RAD54L2: variants seen among roughly 807,000 people sequenced by gnomAD.
RAD54L2 encodes the protein RAD54 like 2.
Under a neutral mutation model 138.4 loss-of-function variants are expected in RAD54L2, and 27 were observed. That is an observed-to-expected ratio of 0.20 (90% CI 0.14 to 0.27). The LOEUF is 0.27. Among genes scored for constraint, RAD54L2 ranks in the 10% least tolerant of loss-of-function variants. The pLI is 1.00. For synonymous variants in RAD54L2, 644 were observed against 723.2 expected (o/e 0.89, Z 1.76); for missense variants, 1,396 against 1,890.2 (o/e 0.74, Z 4.85).
At position 51,662,489 on chromosome 3, in the gene RAD54L2, C is replaced by A; in HGVS notation, c.3473C>A (p.Ala1158Asp). The change falls in exon 23 of 23, where the codon GCC becomes GAC. Residue 1158 changes from alanine (A) to aspartate (D), a missense_variant. Ala to Asp is a moderately radical substitution (Grantham distance 126). Coordinates refer to ENST00000684192, the MANE Select transcript of RAD54L2 (RefSeq NM_015106.4). The surrounding 1 kb of genome is among the most constrained non-coding windows in gnomAD (Gnocchi z 4.6). ...NGRHSASSPKAPDPEGLARPV... is the reference protein window; with the variant it reads ...NGRHSASSPKDPDPEGLARPV... ...AGACACAGTGCCTCATCACCCAAAG[C>A]CCCCGACCCTGAGGGGCTGGCCAGG... 1 of 1,601,158 alleles carries A rather than the reference C, an allele frequency of 6.2e-7. No individual in the cohort carries two copies.
rs978791771 is a variant in RAD54L2, at chr3:51,635,644, C to T, written c.1194C>T (p.Gly398=). Residue 398 remains glycine, a synonymous_variant, in exon 10 of 23, where the codon GGC becomes GGT. Coordinates refer to ENST00000684192, the MANE Select transcript of RAD54L2 (RefSeq NM_015106.4). The part of the protein sequence containing the change: ...KVMADWVSEG[G]VLLMGYEMYR... ...TGGCTGATTGGGTGTCAGAGGGTGGCGTGCTGCTGATGGGGTACGAGATGT... is the reference window on the plus strand; with the variant it reads ...TGGCTGATTGGGTGTCAGAGGGTGGTGTGCTGCTGATGGGGTACGAGATGT... The T allele has an allele frequency of 1.4e-5, 22 of 1,613,160 alleles. No individual in the cohort carries two copies. Among genetic ancestry groups the T allele is most frequent in the Admixed American group, 8.3e-5 (5 of 59,888 alleles).
chr3:51,633,818 C>T, intron 8 of RAD54L2, 59 bp downstream of exon 8: 4 of 1,604,796 alleles, frequency 2.5e-6, no homozygotes, highest in Non-Finnish European at 3.4e-6. Flanking sequence ...GTGTTAATGC[C>T]TTTACTGGGC....
chr3:51,584,465 A>G (rs1699670947), intron 2 of RAD54L2, among the ~76,000 whole-genome samples: 1 of 152,098 alleles, frequency 6.6e-6, no homozygotes, highest in Non-Finnish European at 1.5e-5. Context: ...GCATTGGGCT[A>G]CATGGAGGTT....
intron 22 of RAD54L2, 89 bp downstream of exon 22, chr3:51,660,207 TA>T (rs1283837468): frequency 1.3e-5 from 13 of 972,326 alleles, no homozygotes; most frequent in Non-Finnish European, 2.1e-5. Context: ...TGTGAATAGA[TA>T]ATATGTACAT....
chr3:51,616,487 C>T (rs1382953986), intron 3 of RAD54L2, among the ~76,000 whole-genome samples: 1 of 152,140 alleles, frequency 6.6e-6, no homozygotes, highest in African/African-American at 2.4e-5. Context: ...TTCACATGTA[C>T]ATGACTGTTG....
At chr3:51,559,062 A>G (rs1699039759) in intron 2 of RAD54L2, among the ~76,000 whole-genome samples, 1 of 150,074 alleles carries the variant, frequency 6.7e-6, no homozygotes, top group African/African-American at 2.5e-5. Context: ...TTTAGTAGAG[A>G]GGGGGTTTCA....
intron 2 of RAD54L2, among the ~76,000 whole-genome samples, chr3:51,579,154 G>T (rs1175947582): frequency 6.7e-6 from 1 of 149,960 alleles, no homozygotes; most frequent in African/African-American, 2.5e-5. Context: ...TGCAGGCTGA[G>T]CCTGGGCTTT....
At chr3:51,627,905 G>A (rs1334912503) in intron 4 of RAD54L2, among the ~76,000 whole-genome samples, 151 bp downstream of exon 4, 4 of 152,198 alleles carry the variant, frequency 2.6e-5, no homozygotes, top group African/African-American at 9.6e-5. Flanking sequence ...TAATAGTGAA[G>A]GTGCAGCTCA....
At chr3:51,553,525 A>G (rs915996135) in intron 2 of RAD54L2, among the ~76,000 whole-genome samples, 11 of 152,230 alleles carry the variant, frequency 7.2e-5, no homozygotes, top group African/African-American at 2.7e-4. Context: ...TTCCCAGTAC[A>G]TATAAAAGTT....
chr3:51,652,845 A>G (rs532561428), intron 19 of RAD54L2, among the ~76,000 whole-genome samples: 11 of 152,342 alleles, frequency 7.2e-5, no homozygotes, highest in Middle Eastern at 3.4e-3. Flanking sequence ...AACCTAGGCA[A>G]TACCATTCAG....
chr3:51,543,608 CAAAAAA>C (rs1169502388), intron 2 of RAD54L2, among the ~76,000 whole-genome samples: 1 of 60,472 alleles, frequency 1.7e-5, no homozygotes, highest in Non-Finnish European at 3.6e-5. Context: ...AACTCCATCT[CAAAAAA>C]AAAAAAAAAA....
At chr3:51,557,327 T>G (rs1216833370) in intron 2 of RAD54L2, among the ~76,000 whole-genome samples, 1 of 151,626 alleles carries the variant, frequency 6.6e-6, no homozygotes, top group Non-Finnish European at 1.5e-5. Context: ...AGACTACAAG[T>G]GCACACTGCC....
At chr3:51,630,516 C>CT (rs1170427766) in intron 6 of RAD54L2, 128 bp downstream of exon 6, 22 of 1,008,248 alleles carry the variant, frequency 2.2e-5, no homozygotes, top group Non-Finnish European at 3.1e-5. Flanking sequence ...TTCCCTGTGT[C>CT]TCCTTGGTAA....
chr3:51,627,485 T>G (rs1700717678), intron 3 of RAD54L2, 68 bp from the exon 4 acceptor site: 1 of 1,435,610 alleles, frequency 7.0e-7, no homozygotes, highest in Admixed American at 2.0e-5. Flanking sequence ...TGAACCCAGG[T>G]GTGTCTGTCA....
intron 3 of RAD54L2, among the ~76,000 whole-genome samples, chr3:51,607,902 C>T (rs1227978078): frequency 1.4e-5 from 2 of 147,968 alleles, no homozygotes; most frequent in African/African-American, 2.5e-5. Flanking sequence ...CCCCACCTCC[C>T]GGACGGGGCG....
At chr3:51,621,953 C>A (rs1156278853) in intron 3 of RAD54L2, among the ~76,000 whole-genome samples, 1 of 152,080 alleles carries the variant, frequency 6.6e-6, no homozygotes, top group Non-Finnish European at 1.5e-5. Context: ...AATTTGATGG[C>A]CTCCCCTTTT....
rs374831058 is a variant in RAD54L2, at chr3:51,544,729, C to A, written c.-55+3079C>A. 3.9e-5 allele frequency among the ~76,000 whole-genome samples: 6 copies of A among 152,130 alleles called. No homozygotes were observed. In the East Asian group the frequency reaches 5.8e-4, roughly 15 times the overall value. On this transcript the variant is annotated intron_variant, in intron 2 of 22. Coordinates refer to ENST00000684192, the MANE Select transcript of RAD54L2 (RefSeq NM_015106.4). Reference sequence around the variant, plus strand: ...TCAAGCTATTCTCCTGCCTCAGCCTCACAAGTAACTGGGACTATAGGTGCG... The same window carrying A: ...TCAAGCTATTCTCCTGCCTCAGCCTAACAAGTAACTGGGACTATAGGTGCG...
At chr3:51,617,683 C>T (rs1427580121) in intron 3 of RAD54L2, among the ~76,000 whole-genome samples, 1 of 152,096 alleles carries the variant, frequency 6.6e-6, no homozygotes, top group African/African-American at 2.4e-5. Flanking sequence ...TAAGATCAGC[C>T]TGGGCAACAT....
intron 2 of RAD54L2, among the ~76,000 whole-genome samples, chr3:51,587,676 T>G (rs1006505589): frequency 3.3e-5 from 5 of 152,228 alleles, no homozygotes; most frequent in African/African-American, 1.2e-4. Flanking sequence ...GAACAATTCT[T>G]AAGTTCTAGT....
Sources: gnomAD v4.1 joint callset for allele counts (sites outside exome capture counted in the v4.1 genomes callset) on GRCh38, gnomAD v4.1.1 for gene constraint, Gnocchi (gnomAD v3.1) non-coding constraint, MANE v1.5 for transcripts, NCBI Gene and HGNC (gene_info 2026-07-23, HGNC 2026-07-21) for gene names.